The following PAXIP1 variants were observed in gnomAD, a reference collection of about 807,000 sequenced individuals.
The protein encoded by PAXIP1 is PAX-interacting protein 1.
PAXIP1 carries 19 observed loss-of-function variants against 140.6 expected under a neutral mutation model. The ratio of observed to expected loss-of-function variants is 0.14; its 90% CI spans 0.09 to 0.20. The LOEUF is 0.20. Ranked by LOEUF, PAXIP1 falls within the 10% of genes least tolerant of loss-of-function variation. The pLI is 1.00. For synonymous variants in PAXIP1, 442 were observed against 444.6 expected, an observed-to-expected ratio of 0.99 and a Z score of 0.07; for missense variants, 920 against 1,208.6, an observed-to-expected ratio of 0.76 and a Z score of 3.54.
At position 154,944,200 on chromosome 7, in the gene PAXIP1, G is replaced by A. The variant is rs1017342314; in HGVS notation, c.3195-36C>T. ...TGAGGAAAACGACTTTCAAACACAA[G>A]GCAAAAGAAAAACATGAAACCAAGG... On this transcript the variant is annotated intron_variant, in intron 20 of 20. Transcript: ENST00000404141. 6 of 1,582,016 alleles carry A rather than the reference G, an allele frequency of 3.8e-6. No individual in the cohort carries two copies. The African/African-American group carries it at 8.1e-5, about 21-fold the overall frequency.
At chr7:154,958,403 A>AT (rs1317716281) in intron 13 of PAXIP1, among the ~76,000 whole-genome samples, 1 of 152,222 alleles carries the variant, frequency 6.6e-6, no homozygotes, top group Non-Finnish European at 1.5e-5. Context: ...TCTCAATCTT[A>AT]TTAATTTACT....
chr7:154,983,474 A>C (rs1409037762), intron 4 of PAXIP1, 142 bp from the exon 5 acceptor site: 5 of 583,424 alleles, frequency 8.6e-6, no homozygotes, highest in African/African-American at 7.9e-5. Flanking sequence ...AAAATAGAGA[A>C]GCTTTTAGCT....
chr7:154,993,641 C>G (rs938803840), intron 3 of PAXIP1, 85 bp downstream of exon 3: 2 of 1,021,164 alleles, frequency 2.0e-6, no homozygotes, highest in African/African-American at 3.2e-5. Context: ...AATGAATCCA[C>G]TTTTCACTCC....
In PAXIP1 at chr7:154,954,115, T is replaced by C. The variant is rs1011741341; in HGVS notation, c.2821+140A>G. Reference sequence around the variant, plus strand: ...TCAATCAAAGGAATCACTGGGGATATGAAATAAATTTTTAAATTTAAATGA... The same window carrying C: ...TCAATCAAAGGAATCACTGGGGATACGAAATAAATTTTTAAATTTAAATGA... On this transcript the variant is annotated intron_variant, in intron 16 of 20. Coordinates refer to ENST00000404141, the MANE Select transcript of PAXIP1 (RefSeq NM_007349.4). This position sits in a 1 kb window ranked among gnomAD's most constrained non-coding sequence, Gnocchi z 5.1. 3.5e-6 allele frequency: 2 copies of C among 564,428 alleles called. No individual in the cohort carries two copies. The highest frequency in any genetic ancestry group is 3.9e-5 in the African/African-American group (2 of 51,916). 35.0% of individuals were successfully genotyped at this position (564,428 alleles called of 1,614,324 possible). A position where few individuals can be genotyped will look rare whatever the true frequency, so the allele number is the denominator to read the frequency against.
At chr7:154,966,584 T>G (rs1368589151) in intron 8 of PAXIP1, among the ~76,000 whole-genome samples, 1 of 152,236 alleles carries the variant, frequency 6.6e-6, no homozygotes, top group African/African-American at 2.4e-5. Context: ...TGAGTTTTGT[T>G]GTACTTCTCA....
chr7:154,963,878 TTTCCTCAAAG>T lies in PAXIP1; in HGVS notation c.1894-122_1894-113del. On this transcript the variant is annotated intron_variant, in intron 8 of 20. Coordinates refer to ENST00000404141, the MANE Select transcript of PAXIP1 (RefSeq NM_007349.4). The surrounding 1 kb of genome is among the most constrained non-coding windows in gnomAD (Gnocchi z 4.1). ...CTCTATCATATATTTATATCATGTA[TTTCCTCAAAG>T]TATCAAGGACATGTAACAGTTCTAT... is the stretch of plus-strand genomic sequence containing the variant. The T allele has an allele frequency of 1.4e-6, 1 of 730,892 alleles. No homozygotes were observed. The allele number at this position is 730,892 out of a possible 1,614,324, so 45.3% of individuals were successfully genotyped here.
chr7:154,951,681 A>G (rs1193897084), intron 16 of PAXIP1: 1 of 152,258 alleles, frequency 6.6e-6, no homozygotes, highest in African/African-American at 2.4e-5. Flanking sequence ...CCCATTAAAT[A>G]GGAACTGTAA....
Position 155,002,943 on chromosome 7 carries a change from CG to C in PAXIP1, c.-15del. On this transcript the variant is annotated 5_prime_UTR_variant, in exon 1 of 21. Transcript: ENST00000404141. ...CTGGTCCGACATGATCGCGGCGGCC[CG>C]GGAGGCTCCGCGGCGGCGCCCGGCC... The C allele has an allele frequency of 1.6e-6, 2 of 1,242,414 alleles. No homozygotes were observed. The highest frequency in any genetic ancestry group is 2.1e-6 in the Non-Finnish European group (2 of 966,166). The allele number at this position is 1,242,414 out of a possible 1,614,324, so 77.0% of individuals were successfully genotyped here. A position where few individuals can be genotyped will look rare whatever the true frequency, so the allele number is the denominator to read the frequency against.
Position 154,985,944 on chromosome 7 carries a change from T to C in PAXIP1, c.325-2612A>G. 4.2e-6 allele frequency: 5 copies of C among 1,200,094 alleles called. No individual in the cohort carries two copies. In the South Asian group the frequency reaches 6.7e-5, roughly 16 times the overall value. The allele number at this position is 1,200,094 out of a possible 1,614,324, so 74.3% of individuals were successfully genotyped here. ...TGAGATACAGAATGGAAAGGACTTT[T>C]TAGTCTTCTAGATTCAAATCATGAC... On this transcript the variant is annotated intron_variant, in intron 4 of 20. Transcript: ENST00000404141.
At chr7:154,976,756 C>T (rs553188932) in intron 5 of PAXIP1, among the ~76,000 whole-genome samples, 1 of 152,304 alleles carries the variant, frequency 6.6e-6, no homozygotes, top group South Asian at 2.1e-4. Flanking sequence ...GCCAATGCAT[C>T]ACGTACACTC....
At chr7:154,968,360 A>G (rs1436486970) in intron 7 of PAXIP1, 43 bp downstream of exon 7, 4 of 1,479,556 alleles carry the variant, frequency 2.7e-6, no homozygotes, top group Non-Finnish European at 3.6e-6. Flanking sequence ...TTATGTGGGT[A>G]CAAGACTTTT....
intron 1 of PAXIP1, among the ~76,000 whole-genome samples, chr7:155,002,463 G>C (rs974857444): frequency 7.9e-5 from 12 of 152,008 alleles, no homozygotes; most frequent in Admixed American, 3.3e-4. Flanking sequence ...CCTCGGAGCT[G>C]CTCTCCCGGG....
rs1377347819 is a variant in PAXIP1 at position 155,002,977 on chromosome 7, CCCCCCGCCCCCGG to C, written c.-61_-49del. 3 of 819,086 alleles carry C rather than the reference CCCCCCGCCCCCGG, an allele frequency of 3.7e-6. No homozygotes were observed. 50.7% of individuals were successfully genotyped at this position (819,086 alleles called of 1,614,324 possible). ...CCGCGGCGGCGCCCGGCCCCGCCCA[CCCCCCGCCCCCGG>C]CCCCCGCGGCGCCCGGCGCCCCCAC... On this transcript the variant is annotated 5_prime_UTR_variant, in exon 1 of 21. Transcript: ENST00000404141.
At chr7:155,002,531 G>A (rs1364148946) in intron 1 of PAXIP1, among the ~76,000 whole-genome samples, 2 of 151,890 alleles carry the variant, frequency 1.3e-5, no homozygotes, top group Non-Finnish European at 2.9e-5. Context: ...GTCCCGCTCA[G>A]CAAAGGAGCA....
At chr7:154,972,937 A>G (rs1230062291) in intron 6 of PAXIP1, among the ~76,000 whole-genome samples, 1 of 152,204 alleles carries the variant, frequency 6.6e-6, no homozygotes, top group Non-Finnish European at 1.5e-5. Flanking sequence ...TCTGGCTCTC[A>G]GGACGACTGT....
intron 2 of PAXIP1, among the ~76,000 whole-genome samples, chr7:154,997,739 C>G (rs1810702590): frequency 6.6e-6 from 1 of 152,130 alleles, no homozygotes; most frequent in Admixed American, 6.5e-5. Flanking sequence ...AATAAATTAC[C>G]CATAGGTCAA....
Position 154,963,713 on chromosome 7 carries a change from C to G in PAXIP1, c.1947G>C (p.Thr649=). The change falls in exon 9 of 21, where the codon ACG becomes ACC. Residue 649 remains threonine (T), a synonymous_variant. Coordinates refer to ENST00000404141, the MANE Select transcript of PAXIP1 (RefSeq NM_007349.4). The surrounding 1 kb of genome is among the most constrained non-coding windows in gnomAD (Gnocchi z 4.1). ...TGACTTGACTCTCACAGAGAAGGTG[C>G]GTGCATCGACTCGTGAAGGTGGGGT... ...TVDPTFTSRC[T]HLLCESQVSS... 6.2e-7 allele frequency: 1 copy of G among 1,613,610 alleles called. No individual in the cohort carries two copies. Among genetic ancestry groups the G allele is most frequent in the Non-Finnish European group, 8.5e-7 (1 of 1,179,740 alleles).
intron 8 of PAXIP1, chr7:154,964,644 C>G (rs1808921023): frequency 6.6e-6 from 1 of 152,194 alleles, no homozygotes; most frequent in Non-Finnish European, 1.5e-5. Flanking sequence ...TATATTAGTT[C>G]CTTTTCTCTA....
At position 154,969,846 on chromosome 7, in the gene PAXIP1, T is replaced by C. The variant is rs558820658; in HGVS notation, c.1075-720A>G. On this transcript the variant is annotated intron_variant, in intron 6 of 20. Transcript: ENST00000404141. Reference sequence around the variant, plus strand: ...GGTGATGTTCCTCCCAACTAAGGACTCATCATTAGAGCTGGGAAATGATGC... The same window carrying C: ...GGTGATGTTCCTCCCAACTAAGGACCCATCATTAGAGCTGGGAAATGATGC... Among the ~76,000 whole-genome samples the C allele has an allele frequency of 1.5e-4, 23 of 152,288 alleles. 1 individual carries two copies. The South Asian group carries it at 4.6e-3, about 30-fold the overall frequency.
Sources: allele counts gnomAD v4.1 joint callset (sites outside exome capture counted in the v4.1 genomes callset), GRCh38; gene constraint gnomAD v4.1.1; non-coding constraint Gnocchi (gnomAD v3.1); transcripts MANE v1.5; gene names NCBI Gene and HGNC (gene_info 2026-07-23, HGNC 2026-07-21).